Variants in MLH3 observed in about 807,000 individuals in gnomAD.
MLH3 encodes the protein mutL homolog 3.
Under a neutral mutation model 122.2 loss-of-function variants are expected in MLH3, and 82 were observed. That is an observed-to-expected ratio of 0.67 (90% confidence interval 0.56 to 0.81). MLH3 has a LOEUF of 0.81. Ranked by LOEUF, MLH3 falls within the 30% of genes least tolerant of loss-of-function variation. MLH3 has a pLI of 0.00. For missense variants in MLH3, 1,539 were observed against 1,714.5 expected, an observed-to-expected ratio of 0.90 and a Z score of 1.81; for synonymous variants, 524 against 599.5, an observed-to-expected ratio of 0.87 and a Z score of 1.84.
chr14:75,047,476 C>T lies in MLH3; in HGVS notation c.2180G>A (p.Ser727Asn), dbSNP rs116526686. The T allele has an allele frequency of 5.4e-5, 87 of 1,614,062 alleles. No homozygotes were observed. The African/African-American group carries it at 1.0e-3, about 19-fold the overall frequency. ...FPWYRHVSND[S>N]RKTDKLIGFS... ...ACCAATTAATTTATCTGTTTTCCTA[C>T]TATCATTGGAAACGTGTCTATACCA... The change falls in exon 2 of 13, where the codon AGT becomes AAT. Residue 727 changes from serine (S) to asparagine (N), a missense_variant. Physicochemically the swap from Ser to Asn is conservative, Grantham distance 46 (BLOSUM62 1). Coordinates refer to ENST00000355774, the MANE Select transcript of MLH3 (RefSeq NM_001040108.2).
chr14:75,030,514 T>G, intron 9 of MLH3, 29 bp downstream of exon 9: 3 of 1,610,762 alleles, frequency 1.9e-6, no homozygotes, highest in Non-Finnish European at 2.5e-6. Context: ...CACTCAGCAA[T>G]TTCCTTAACA....
intron 6 of MLH3, among the ~76,000 whole-genome samples, chr14:75,035,025 T>C (rs1336162785): frequency 8.4e-6 from 1 of 118,432 alleles, no homozygotes; most frequent in Non-Finnish European, 1.6e-5. Context: ...ATTGCACCAC[T>C]GCAATCCCAC....
chr14:75,033,439 C>G lies in MLH3; in HGVS notation c.3695G>C (p.Arg1232Pro). The change falls in exon 7 of 13, where the codon CGT becomes CCT. Residue 1232 changes from arginine to proline, a missense_variant. Transcript: ENST00000355774. ...VDQHAAHERI[R>P]LEQLIIDSYE... Reference sequence around the variant, plus strand: ...CTTACCAATGATAAGCTGCTCCAGACGTATACGCTCATGGGCAGCGTGCTG... The same window carrying G: ...CTTACCAATGATAAGCTGCTCCAGAGGTATACGCTCATGGGCAGCGTGCTG... The G allele has an allele frequency of 6.2e-7, 1 of 1,614,126 alleles. No individual in the cohort carries two copies.
rs28757020 is a variant in MLH3 at position 75,036,945 on chromosome 14, C to T, written c.3643+1395G>A. Among the ~76,000 whole-genome samples the T allele has an allele frequency of 4.3e-3, 660 of 152,230 alleles. 4 individuals are homozygous for T. The highest frequency in any genetic ancestry group is 0.015 in the African/African-American group (627 of 41,536). On this transcript the variant is annotated intron_variant, in intron 6 of 12. Transcript: ENST00000355774. ...TCTACAGTTAACTGGGACTCCACCC[C>T]TACTCCTACTCCATTCTCCACACTA...
chr14:75,048,285 A>G lies in MLH3; in HGVS notation c.1371T>C (p.Ser457=). Residue 457 remains serine (S), a synonymous_variant, in exon 2 of 13, where the codon TCT becomes TCC. Transcript: ENST00000355774. ...GPGHSKMTEP[S]LQNKDSSCSE... ...AGCAAGAGCTGTCTTTGTTTTGTAA[A>G]GATGGCTCTGTCATTTTGCTATGGC... is the stretch of plus-strand genomic sequence containing the variant. 6.2e-7 allele frequency: 1 copy of G among 1,614,096 alleles called. No individual in the cohort carries two copies. The highest frequency in any genetic ancestry group is 8.5e-7 in the Non-Finnish European group (1 of 1,180,030).
At chr14:75,028,038 T>C (rs1485721419) in intron 9 of MLH3, among the ~76,000 whole-genome samples, 1 of 144,628 alleles carries the variant, frequency 6.9e-6, no homozygotes. Context: ...AAAAGAGAAA[T>C]ACAGAAAACT....
rs768393770 is a variant in MLH3 at position 75,048,164 on chromosome 14, C to T, written c.1492G>A (p.Glu498Lys). 6.2e-7 allele frequency: 1 copy of T among 1,614,084 alleles called. No homozygotes were observed. Among genetic ancestry groups the T allele is most frequent in the East Asian group, 2.2e-5 (1 of 44,874 alleles). The change falls in exon 2 of 13, where the codon GAA (glutamate) becomes AAA (lysine). Residue 498 changes from glutamate to lysine, a missense_variant. Transcript: ENST00000355774. ...TCTAAACTGGTTCCACACGGATTTT[C>T]TAAAGAGCTATGTTCCAGGAAAGAT... ...KKSFLEHSSL[E>K]NPCGTSLEMF... is the part of the protein sequence containing the mutation.
intron 11 of MLH3, among the ~76,000 whole-genome samples, chr14:75,021,061 G>A (rs1159941860): frequency 6.6e-6 from 1 of 152,174 alleles, no homozygotes; most frequent in Non-Finnish European, 1.5e-5. Flanking sequence ...GTTTTTAGTA[G>A]AGATGGGGTT....
intron 4 of MLH3, 93 bp downstream of exon 4, chr14:75,041,522 T>C (rs983518758): frequency 5.1e-6 from 5 of 973,194 alleles, no homozygotes; most frequent in Non-Finnish European, 8.1e-6. Context: ...CATTTCAGTC[T>C]GGGCAACAGG....
intron 12 of MLH3, among the ~76,000 whole-genome samples, chr14:75,017,973 C>T (rs563042629): frequency 3.1e-4 from 35 of 113,264 alleles, no homozygotes; most frequent in African/African-American, 9.1e-4. Context: ...TGGAGAAACG[C>T]TGTCTCTACT....
intron 6 of MLH3, among the ~76,000 whole-genome samples, chr14:75,035,788 C>T (rs139587352): frequency 6.6e-6 from 1 of 152,174 alleles, no homozygotes; most frequent in Non-Finnish European, 1.5e-5. Flanking sequence ...GCCACTCAGG[C>T]CTTTTCAGGG....
chr14:75,020,092 A>C (rs1890175075), intron 11 of MLH3, among the ~76,000 whole-genome samples: 1 of 152,170 alleles, frequency 6.6e-6, no homozygotes, highest in Non-Finnish European at 1.5e-5. Flanking sequence ...AGGAGAGAAA[A>C]GTGTTTCAGG....
In MLH3 at chr14:75,047,878, C is replaced by T. The variant is rs1892366400; in HGVS notation, c.1778G>A (p.Arg593Lys). The T allele has an allele frequency of 6.2e-7, 1 of 1,613,422 alleles. No individual in the cohort carries two copies. Among genetic ancestry groups the T allele is most frequent in the Non-Finnish European group, 8.5e-7 (1 of 1,179,832 alleles). The change falls in exon 2 of 13, where the codon AGA becomes AAA. Residue 593 changes from arginine (R) to lysine (K), a missense_variant. Transcript: ENST00000355774. ...KKKESSNCGR[R>K]NVFSYGRVKL... Reference sequence around the variant, plus strand: ...AACTCGCCCATAACTAAAAACATTTCTTCTTCCACAATTGCTAGATTCTTT... The same window carrying T: ...AACTCGCCCATAACTAAAAACATTTTTTCTTCCACAATTGCTAGATTCTTT...
intron 1 of MLH3, chr14:75,050,712 T>A (rs1293182913): frequency 2.6e-5 from 4 of 152,324 alleles, no homozygotes; most frequent in Non-Finnish European, 5.9e-5. Context: ...AAGGTCATTA[T>A]TAATATTCTT....
At chr14:75,029,404 T>C (rs984053780) in intron 9 of MLH3, among the ~76,000 whole-genome samples, 1 of 152,170 alleles carries the variant, frequency 6.6e-6, no homozygotes, top group African/African-American at 2.4e-5. Context: ...GGATCAACTG[T>C]AGATCTTAAT....
intron 9 of MLH3, among the ~76,000 whole-genome samples, chr14:75,023,983 A>G (rs1473693180): frequency 1.3e-5 from 2 of 152,156 alleles, no homozygotes; most frequent in Admixed American, 6.5e-5. Context: ...ACAAACCTAA[A>G]CAGAAAGATG....
chr14:75,040,270 A>G (rs1891746008), intron 4 of MLH3, among the ~76,000 whole-genome samples: 1 of 151,732 alleles, frequency 6.6e-6, no homozygotes, highest in African/African-American at 2.4e-5. Context: ...TAACATGGTG[A>G]AACCCCATCT....
intron 2 of MLH3, among the ~76,000 whole-genome samples, chr14:75,045,904 C>T (rs1486994984): frequency 1.3e-5 from 2 of 151,998 alleles, no homozygotes; most frequent in African/African-American, 2.4e-5. Context: ...CTAGAGGCTG[C>T]GTGCGGGCTC....
Position 75,042,375 on chromosome 14 carries a change from T to C in MLH3, c.3379+4A>G, listed in dbSNP as rs1309915500. ...TGTGCCCCAGCACTCTCTGCCACCCTTACCTCTGTTATCCTGTCTCATCAC... is the reference window on the plus strand; with the variant it reads ...TGTGCCCCAGCACTCTCTGCCACCCCTACCTCTGTTATCCTGTCTCATCAC... On this transcript the variant is annotated splice_donor_region_variant and intron_variant, in intron 3 of 12. Transcript: ENST00000355774. 2 of 1,613,380 alleles carry C rather than the reference T, an allele frequency of 1.2e-6. No homozygotes were observed. The highest frequency in any genetic ancestry group is 1.7e-6 in the Non-Finnish European group (2 of 1,179,298).
Sources: gnomAD v4.1 joint callset for allele counts (sites outside exome capture counted in the v4.1 genomes callset) on GRCh38, gnomAD v4.1.1 for gene constraint, MANE v1.5 for transcripts, NCBI Gene and HGNC (gene_info 2026-07-23, HGNC 2026-07-21) for gene names.